The following CEP112 variants were observed in gnomAD, a reference collection of about 807,000 sequenced individuals.
CEP112 encodes the protein centrosomal protein 112, also known as centrosomal protein of 112 kDa.
CEP112 carries 127 observed loss-of-function variants against 153.0 expected under a neutral mutation model. That is an observed-to-expected ratio of 0.83 (90% CI 0.72 to 0.96). The LOEUF is 0.96. CEP112 is among the 40% of genes least tolerant of loss of function. The probability of loss-of-function intolerance (pLI) is 0.00; values close to 1 mark genes in which losing one functional copy is unlikely to be tolerated. For synonymous variants in CEP112, 358 were observed against 374.4 expected, an observed-to-expected ratio of 0.96 and a Z score of 0.51; for missense variants, 1,089 against 1,101.2, an observed-to-expected ratio of 0.99 and a Z score of 0.16.
intron 20 of CEP112, among the ~76,000 whole-genome samples, chr17:65,861,887 A>C (rs2058321674): frequency 6.6e-6 from 1 of 152,228 alleles, no homozygotes; most frequent in Admixed American, 6.5e-5. Flanking sequence ...AGAATCTCTT[A>C]CACGTGAACA....
chr17:65,762,040 A>G (rs2052645762), intron 21 of CEP112, among the ~76,000 whole-genome samples: 1 of 151,986 alleles, frequency 6.6e-6, no homozygotes, highest in South Asian at 2.1e-4. Flanking sequence ...TTGAAGTTCT[A>G]TCAGTTTTTG....
Position 66,081,188 on chromosome 17 carries a change from A to C in CEP112, c.769-11187T>G, listed in dbSNP as rs960277110. On this transcript the variant is annotated intron_variant, in intron 8 of 26. Coordinates refer to ENST00000535342, the MANE Select transcript of CEP112 (RefSeq NM_001199165.4). ...AAAGAAAAAGTAAAATAAAATAAAAAATAAAAATAAATAAAAAGTTTAGTT... is the reference window on the plus strand; with the variant it reads ...AAAGAAAAAGTAAAATAAAATAAAACATAAAAATAAATAAAAAGTTTAGTT... 3.9e-5 allele frequency among the ~76,000 whole-genome samples: 6 copies of C among 152,224 alleles called. No individual in the cohort carries two copies. In the South Asian group the frequency reaches 1.2e-3, roughly 32 times the overall value.
intron 1 of CEP112, among the ~76,000 whole-genome samples, chr17:66,185,503 G>A (rs922314666): frequency 6.6e-6 from 1 of 152,208 alleles, no homozygotes; most frequent in African/African-American, 2.4e-5. Flanking sequence ...TTACAGGCAT[G>A]AGCCACTGCG....
At chr17:66,064,089 C>A (rs1455080630) in intron 10 of CEP112, among the ~76,000 whole-genome samples, 5 of 152,160 alleles carry the variant, frequency 3.3e-5, no homozygotes, top group Non-Finnish European at 7.4e-5. Context: ...TCCCATGAAA[C>A]CTTGAGTATT....
intron 21 of CEP112, among the ~76,000 whole-genome samples, chr17:65,836,274 A>T (rs1257899514): frequency 2.6e-5 from 4 of 152,246 alleles, no homozygotes; most frequent in Non-Finnish European, 5.9e-5. Context: ...TGGCAGCAGT[A>T]AACTCTTTCC....
chr17:65,799,609 A>G (rs923814944), intron 21 of CEP112, among the ~76,000 whole-genome samples: 5 of 152,236 alleles, frequency 3.3e-5, no homozygotes, highest in Non-Finnish European at 7.3e-5. Flanking sequence ...CAATAGTCAA[A>G]GAGCACTGCT....
intron 23 of CEP112, among the ~76,000 whole-genome samples, chr17:65,719,669 C>G (rs916593061): frequency 6.6e-6 from 1 of 152,216 alleles, no homozygotes; most frequent in East Asian, 1.9e-4. Context: ...AAGATGGGAC[C>G]TGTAGGAAGA....
chr17:65,930,984 T>C (rs917143757), intron 18 of CEP112, among the ~76,000 whole-genome samples: 30 of 152,370 alleles, frequency 2.0e-4, no homozygotes, highest in African/African-American at 6.7e-4. Context: ...TTAACATCTT[T>C]ATTCTTCTAG....
In CEP112 at chr17:65,832,301, A is replaced by T. The variant is rs185802557; in HGVS notation, c.2394+19503T>A. ...CTGAAAGACTTAGAGAAGCAAGAAC[A>T]AATCAACCTCAAAGCTAGCAGAAGA... On this transcript the variant is annotated intron_variant, in intron 21 of 26. Coordinates refer to ENST00000535342, the MANE Select transcript of CEP112 (RefSeq NM_001199165.4). 4.6e-5 allele frequency among the ~76,000 whole-genome samples: 7 copies of T among 152,254 alleles called. No homozygotes were observed. In the East Asian group the frequency reaches 1.4e-3, roughly 29 times the overall value.
chr17:65,971,717 CATAA>C (rs561344624), intron 17 of CEP112, among the ~76,000 whole-genome samples: 149 of 152,256 alleles, frequency 9.8e-4, no homozygotes, highest in Admixed American at 2.3e-3. Flanking sequence ...TACATGCATG[CATAA>C]ATATATTGCA....
At chr17:66,097,346 A>G (rs1309602207) in intron 6 of CEP112, among the ~76,000 whole-genome samples, 1 of 152,006 alleles carries the variant, frequency 6.6e-6, no homozygotes, top group Non-Finnish European at 1.5e-5. Context: ...AGTTCCTACT[A>G]CTCCAGTAGT....
chr17:65,848,984 TG>T (rs2057825592), intron 21 of CEP112, among the ~76,000 whole-genome samples: 1 of 152,174 alleles, frequency 6.6e-6, no homozygotes, highest in African/African-American at 2.4e-5. Flanking sequence ...ACCAAGAGGA[TG>T]ATGTTCCTAA....
chr17:65,657,178 G>C (rs2046106279), intron 24 of CEP112, among the ~76,000 whole-genome samples: 1 of 152,120 alleles, frequency 6.6e-6, no homozygotes. Context: ...TTTATATATG[G>C]TTGAGATAGT....
intron 23 of CEP112, among the ~76,000 whole-genome samples, chr17:65,698,362 C>T (rs1218641863): frequency 1.3e-5 from 2 of 152,148 alleles, no homozygotes; most frequent in Non-Finnish European, 2.9e-5. Flanking sequence ...TCTCCAAGTA[C>T]GAAAGTTTTC....
In CEP112 at chr17:65,689,167, T is replaced by C; in HGVS notation, c.2659A>G (p.Lys887Glu). 2 of 1,613,838 alleles carry C rather than the reference T, an allele frequency of 1.2e-6. No homozygotes were observed. The highest frequency in any genetic ancestry group is 2.2e-5 in the South Asian group (2 of 91,070). The change falls in exon 24 of 27, where the codon AAA (lysine) becomes GAA (glutamate). Residue 887 changes from lysine to glutamate, a missense_variant. Transcript: ENST00000535342. Reference protein sequence around the residue: ...NRSNQVRCAEKKLQHKELESQ... With the variant: ...NRSNQVRCAEEKLQHKELESQ... ...TCCAATTCTTTGTGTTGTAATTTTT[T>C]CTCTGCACATCGCACCTGATTAGAA...
intron 20 of CEP112, among the ~76,000 whole-genome samples, chr17:65,872,771 A>C (rs998165940): frequency 2.8e-4 from 43 of 152,252 alleles, no homozygotes; most frequent in African/African-American, 1.0e-3. Context: ...ACTAATAAAC[A>C]TCAAATGTAT....
At chr17:65,840,100 C>T (rs187352405) in intron 21 of CEP112, among the ~76,000 whole-genome samples, 81 of 152,176 alleles carry the variant, frequency 5.3e-4, no homozygotes, top group African/African-American at 9.1e-4. Context: ...TAACAATCTA[C>T]GGGTTGATTG....
At chr17:65,814,181 T>C (rs2056139018) in intron 21 of CEP112, among the ~76,000 whole-genome samples, 1 of 152,210 alleles carries the variant, frequency 6.6e-6, no homozygotes. Context: ...TAGCTAGTTA[T>C]TGACAGGGGC....
intron 21 of CEP112, among the ~76,000 whole-genome samples, chr17:65,839,628 C>T: frequency 6.6e-6 from 1 of 152,028 alleles, no homozygotes. Flanking sequence ...TGCTCACTTT[C>T]ACCATTTCTA....
Sources: gnomAD v4.1 joint callset for allele counts (sites outside exome capture counted in the v4.1 genomes callset) on GRCh38, gnomAD v4.1.1 for gene constraint, MANE v1.5 for transcripts, NCBI Gene and HGNC (gene_info 2026-07-23, HGNC 2026-07-21) for gene names.